Variants in TSPAN14 observed in about 807,000 individuals in gnomAD.
TSPAN14 encodes tetraspanin-14.
TSPAN14 carries 16 observed loss-of-function variants against 36.6 expected under a neutral mutation model. The ratio of observed to expected loss-of-function variants is 0.44; its 90% confidence interval spans 0.30 to 0.66. TSPAN14 has a LOEUF of 0.66. Among genes scored for constraint, TSPAN14 ranks in the 30% least tolerant of loss-of-function variants. The pLI is 0.12. For synonymous variants in TSPAN14, 139 were observed against 143.8 expected (o/e 0.97, Z 0.24); for missense variants, 231 against 355.1 (o/e 0.65, Z 2.81).
intron 2 of TSPAN14, among the ~76,000 whole-genome samples, chr10:80,497,349 T>G (rs367901681): frequency 6.6e-6 from 1 of 152,338 alleles, no homozygotes. Flanking sequence ...GCTGAGCTTT[T>G]CAGACTATGG....
intron 2 of TSPAN14, among the ~76,000 whole-genome samples, chr10:80,493,978 A>C (rs924400356): frequency 6.6e-6 from 1 of 152,242 alleles, no homozygotes; most frequent in African/African-American, 2.4e-5. Flanking sequence ...TTGGTTTCCA[A>C]CACAAGCATT....
At chr10:80,516,359 C>CT in intron 8 of TSPAN14, 36 bp downstream of exon 8, 9 of 1,612,780 alleles carry the variant, frequency 5.6e-6, no homozygotes, top group Non-Finnish European at 7.6e-6. Context: ...GGCAGGTGGC[C>CT]TTTTTTCATT....
At chr10:80,490,121 G>T (rs1247571903) in intron 2 of TSPAN14, among the ~76,000 whole-genome samples, 2 of 152,210 alleles carry the variant, frequency 1.3e-5, no homozygotes, top group Non-Finnish European at 2.9e-5. Context: ...TGGAAGGCTT[G>T]TAAGTTGGGT....
At chr10:80,498,605 G>A (rs943535638) in intron 2 of TSPAN14, among the ~76,000 whole-genome samples, 1 of 152,154 alleles carries the variant, frequency 6.6e-6, no homozygotes, top group Admixed American at 6.5e-5. Context: ...ATTGGGGGTG[G>A]GGTACAGAAC....
intron 2 of TSPAN14, among the ~76,000 whole-genome samples, chr10:80,496,189 ATTT>A (rs1848189267): frequency 6.6e-6 from 1 of 151,966 alleles, no homozygotes; most frequent in Admixed American, 6.6e-5. Flanking sequence ...TGGTGTTCTT[ATTT>A]TTATTATTTT....
intron 1 of TSPAN14, among the ~76,000 whole-genome samples, chr10:80,484,120 C>T (rs1475010578): frequency 4.0e-5 from 6 of 151,028 alleles, no homozygotes; most frequent in Non-Finnish European, 8.8e-5. Flanking sequence ...TGGCATGCAC[C>T]TGTGGTCCCA....
At chr10:80,518,131 C>G (rs918037253) in exon 9 of TSPAN14, 3 of 794,516 alleles carry the variant, frequency 3.8e-6, no homozygotes, top group Non-Finnish European at 6.1e-6. Flanking sequence ...TTTCTGCTTG[C>G]TGGTGCTGAA....
intron 2 of TSPAN14, among the ~76,000 whole-genome samples, chr10:80,500,391 G>A (rs992033868): frequency 8.1e-5 from 10 of 122,938 alleles, no homozygotes; most frequent in East Asian, 2.6e-4. Context: ...GTGCAATGGC[G>A]TGATCTTGGC....
chr10:80,514,137 C>T, intron 7 of TSPAN14, 74 bp downstream of exon 7: 1 of 1,397,888 alleles, frequency 7.2e-7, no homozygotes, highest in Non-Finnish European at 1.0e-6. Flanking sequence ...TCTGATTTAG[C>T]ACGAGTGCAA....
intron 2 of TSPAN14, among the ~76,000 whole-genome samples, chr10:80,499,675 A>C (rs1302075441): frequency 6.6e-6 from 1 of 152,168 alleles, no homozygotes; most frequent in African/African-American, 2.4e-5. Context: ...TCTACATTTG[A>C]GCTTTCCCAT....
chr10:80,512,010 G>T (rs551021161), intron 5 of TSPAN14, 134 bp from the exon 6 acceptor site: 44 of 1,386,234 alleles, frequency 3.2e-5, no homozygotes, highest in Non-Finnish European at 4.0e-5. Context: ...ATGGGAGGTA[G>T]GGGGCGGGCC....
intron 1 of TSPAN14, among the ~76,000 whole-genome samples, chr10:80,488,701 C>A (rs961211501): frequency 6.6e-6 from 1 of 152,138 alleles, no homozygotes. Context: ...ATGTCCAGAC[C>A]TGCCTGCACG....
intron 1 of TSPAN14, among the ~76,000 whole-genome samples, chr10:80,484,359 C>G (rs1847478860): frequency 6.6e-6 from 1 of 151,850 alleles, no homozygotes; most frequent in African/African-American, 2.4e-5. Flanking sequence ...GGGTCTTGCT[C>G]TGTCACCCAG....
At chr10:80,465,660 A>G (rs907188603) in intron 1 of TSPAN14, among the ~76,000 whole-genome samples, 1 of 152,226 alleles carries the variant, frequency 6.6e-6, no homozygotes, top group Non-Finnish European at 1.5e-5. Context: ...GTTTTGGGCC[A>G]CTGAGGTGCA....
chr10:80,498,689 A>G (rs946850427), intron 2 of TSPAN14, among the ~76,000 whole-genome samples: 1 of 152,194 alleles, frequency 6.6e-6, no homozygotes, highest in Non-Finnish European at 1.5e-5. Context: ...CGCCCCTCAC[A>G]TCTCTGCTCT....
chr10:80,471,381 C>T (rs1267278801), intron 1 of TSPAN14, among the ~76,000 whole-genome samples: 1 of 152,136 alleles, frequency 6.6e-6, no homozygotes, highest in African/African-American at 2.4e-5. Flanking sequence ...GCCCAGTCCT[C>T]CTGAGGTCTG....
At chr10:80,456,325 C>T (rs1845733885) in intron 1 of TSPAN14, among the ~76,000 whole-genome samples, 2 of 152,168 alleles carry the variant, frequency 1.3e-5, no homozygotes, top group African/African-American at 4.8e-5. Flanking sequence ...GGGCATGGAG[C>T]TGCAGAATGG....
chr10:80,480,701 A>G (rs1847221936), intron 1 of TSPAN14, among the ~76,000 whole-genome samples: 1 of 151,758 alleles, frequency 6.6e-6, no homozygotes, highest in African/African-American at 2.4e-5. Flanking sequence ...AACACCGTAT[A>G]TTCTCACTCA....
chr10:80,461,117 C>G (rs1845942496), intron 1 of TSPAN14, among the ~76,000 whole-genome samples: 1 of 152,122 alleles, frequency 6.6e-6, no homozygotes, highest in Non-Finnish European at 1.5e-5. Context: ...GAGTGAGGCT[C>G]CTCCTTTTCT....
Sources: allele counts gnomAD v4.1 joint callset (sites outside exome capture counted in the v4.1 genomes callset), GRCh38; gene constraint gnomAD v4.1.1; transcripts MANE v1.5; gene names NCBI Gene and HGNC (gene_info 2026-07-23, HGNC 2026-07-21).